Variants in SLCO1A2 observed in about 807,000 individuals in gnomAD.
The protein encoded by SLCO1A2 is solute carrier organic anion transporter family member 1A2.
SLCO1A2 carries 67 observed loss-of-function variants against 69.0 expected under a neutral mutation model. That is an observed-to-expected ratio of 0.97 (90% CI 0.80 to 1.19). The LOEUF is 1.19. Among genes scored for constraint, SLCO1A2 ranks in the 50% most tolerant of loss-of-function variants. The probability of loss-of-function intolerance (pLI) is 0.00; values close to 1 mark genes in which losing one functional copy is unlikely to be tolerated. For synonymous variants in SLCO1A2, 260 were observed against 265.9 expected (o/e 0.98, Z 0.22); for missense variants, 787 against 793.7 (o/e 0.99, Z 0.10).
chr12:21,417,067 C>A (rs1308692156), intron 1 of SLCO1A2, among the ~76,000 whole-genome samples: 1 of 152,086 alleles, frequency 6.6e-6, no homozygotes, highest in African/African-American at 2.4e-5. Flanking sequence ...GTAAGTAGCA[C>A]ACAGTGGTAC....
chr12:21,386,501 G>A (rs765313623), intron 1 of SLCO1A2, among the ~76,000 whole-genome samples: 2 of 152,008 alleles, frequency 1.3e-5, no homozygotes, highest in Non-Finnish European at 2.9e-5. Flanking sequence ...TAGTGAATAA[G>A]TCTCACGAGA....
chr12:21,266,229 A>T lies in SLCO1A2; in HGVS notation c.*3319T>A, dbSNP rs1020431084. 1 of 152,140 alleles carries T rather than the reference A, an allele frequency of 6.6e-6. No homozygotes were observed. Among genetic ancestry groups the T allele is most frequent in the South Asian group, 2.1e-4 (1 of 4,832 alleles). The allele number at this position is 152,140 out of a possible 1,614,324, so 9.4% of individuals were successfully genotyped here. ...AAACATTTCGAGCTTTTCTTTAATTACTTAGTCTTTGTCTTGTCTTTCTTA... is the reference window on the plus strand; with the variant it reads ...AAACATTTCGAGCTTTTCTTTAATTTCTTAGTCTTTGTCTTGTCTTTCTTA... On this transcript the variant is annotated 3_prime_UTR_variant, in exon 15 of 15. Transcript: ENST00000683939.
chr12:21,297,658 T>A, intron 8 of SLCO1A2, 90 bp from the exon 9 acceptor site: 1 of 810,964 alleles, frequency 1.2e-6, no homozygotes, highest in Non-Finnish European at 1.9e-6. Context: ...CCTCAACAAA[T>A]TATGTTTTTT....
At chr12:21,317,821 T>C (rs4148989) in intron 3 of SLCO1A2, among the ~76,000 whole-genome samples, 57,275 of 152,030 alleles carry the variant, frequency 0.38, 11,594 homozygotes, top group African/African-American at 0.53. Context: ...GAGTGACACT[T>C]ATATTTCTAT....
In SLCO1A2 at chr12:21,343,659, C is replaced by T. The variant is rs971645066; in HGVS notation, c.-62-8950G>A. On this transcript the variant is annotated intron_variant, in intron 2 of 15. Coordinates refer to the SLCO1A2 transcript ENST00000307378. ...ATCCCTTGAGTACCTCATTTTGCTACTTTTCAGCATGACATCAGCTAACCA... is the reference window on the plus strand; with the variant it reads ...ATCCCTTGAGTACCTCATTTTGCTATTTTTCAGCATGACATCAGCTAACCA... Among the ~76,000 whole-genome samples the T allele has an allele frequency of 5.9e-5, 9 of 152,060 alleles. No homozygotes were observed. In the East Asian group the frequency reaches 7.7e-4, roughly 13 times the overall value.
intron 1 of SLCO1A2, among the ~76,000 whole-genome samples, chr12:21,416,315 G>A (rs1032098169): frequency 6.6e-6 from 1 of 150,986 alleles, no homozygotes; most frequent in Non-Finnish European, 1.5e-5. Flanking sequence ...ATTAAATCAG[G>A]AAAGGGAAAT....
intron 2 of SLCO1A2, among the ~76,000 whole-genome samples, chr12:21,372,003 C>CA (rs1362444409): frequency 2.7e-4 from 33 of 122,530 alleles, no homozygotes; most frequent in Middle Eastern, 4.0e-3. Context: ...AACTTCATCT[C>CA]AAAAAAAAAG....
intron 1 of SLCO1A2, among the ~76,000 whole-genome samples, chr12:21,391,474 C>T (rs990718295): frequency 6.6e-6 from 1 of 152,060 alleles, no homozygotes; most frequent in African/African-American, 2.4e-5. Context: ...AAATTATAAT[C>T]CTGGTGTCTT....
upstream of SLCO1A2, among the ~76,000 whole-genome samples, chr12:21,399,899 G>T (rs375078921): frequency 6.6e-6 from 1 of 150,722 alleles, no homozygotes; most frequent in East Asian, 1.9e-4. Context: ...AGACTTAAAC[G>T]TTAGACCTAA....
At chr12:21,275,975 C>CTAGA (rs1943755327) in intron 12 of SLCO1A2, among the ~76,000 whole-genome samples, 3 of 151,944 alleles carry the variant, frequency 2.0e-5, no homozygotes, top group African/African-American at 7.2e-5. Flanking sequence ...AACACAGAAA[C>CTAGA]TAGATACACT....
At chr12:21,398,581 T>A (rs1294293289), upstream of SLCO1A2, among the ~76,000 whole-genome samples, 12 of 151,812 alleles carry the variant, frequency 7.9e-5, no homozygotes, top group Middle Eastern at 3.4e-3. Context: ...AAAAAAGAGA[T>A]TCTTAGACCA....
At chr12:21,415,097 G>C (rs12322891) in intron 1 of SLCO1A2, among the ~76,000 whole-genome samples, 1 of 151,880 alleles carries the variant, frequency 6.6e-6, no homozygotes, top group Non-Finnish European at 1.5e-5. Flanking sequence ...TAACTGGTGA[G>C]TTCAGTCTAA....
chr12:21,411,516 T>C (rs151198305), intron 1 of SLCO1A2, among the ~76,000 whole-genome samples: 10 of 152,282 alleles, frequency 6.6e-5, no homozygotes, highest in Non-Finnish European at 1.3e-4. Flanking sequence ...TCATAAGCAT[T>C]AGAATCCAGT....
At position 21,351,352 on chromosome 12, in the gene SLCO1A2, T is replaced by A. The variant is rs570079108; in HGVS notation, c.-62-16643A>T. On this transcript the variant is annotated intron_variant, in intron 2 of 15. Transcript: ENST00000307378. The stretch of plus-strand genomic sequence containing the variant: ...TGTGGTCTATAGTCCACCTGCAACA[T>A]ATTCCTAAACAGACCTGTTAAAGAA... Among the ~76,000 whole-genome samples, 24 of 152,326 alleles carry A rather than the reference T, an allele frequency of 1.6e-4. No individual in the cohort carries two copies. In the South Asian group the frequency reaches 4.6e-3, roughly 29 times the overall value.
At chr12:21,328,280 A>T (rs1446764520) in intron 2 of SLCO1A2, among the ~76,000 whole-genome samples, 1 of 152,214 alleles carries the variant, frequency 6.6e-6, no homozygotes, top group Admixed American at 6.5e-5. Context: ...GGAGGAATCT[A>T]TGGGAAAGAG....
At chr12:21,306,421 G>T (rs1162305031) in intron 5 of SLCO1A2, among the ~76,000 whole-genome samples, 1 of 152,008 alleles carries the variant, frequency 6.6e-6, no homozygotes, top group Non-Finnish European at 1.5e-5. Flanking sequence ...TGCCACCTGG[G>T]TTTAAGCGAT....
At chr12:21,401,679 T>C (rs1941711123) in intron 1 of SLCO1A2, among the ~76,000 whole-genome samples, 4 of 151,784 alleles carry the variant, frequency 2.6e-5, no homozygotes, top group Admixed American at 2.6e-4. Context: ...TAAAATTTTA[T>C]ATGGAAGAAT....
At chr12:21,329,427 A>G (rs1462562715) in intron 2 of SLCO1A2, among the ~76,000 whole-genome samples, 1 of 151,950 alleles carries the variant, frequency 6.6e-6, no homozygotes, top group Admixed American at 6.6e-5. Flanking sequence ...ATCCAGCCTT[A>G]AGGATCAACC....
At position 21,319,635 on chromosome 12, in the gene SLCO1A2, T is replaced by C. The variant is rs142474526; in HGVS notation, c.61-712A>G. The C allele has an allele frequency of 1.0e-3, 409 of 405,284 alleles. 1 individual carries two copies. Among genetic ancestry groups the C allele is most frequent in the African/African-American group, 8.0e-3 (382 of 47,902 alleles). The allele number at this position is 405,284 out of a possible 1,614,324, so 25.1% of individuals were successfully genotyped here. A position where few individuals can be genotyped will look rare whatever the true frequency, so the allele number is the denominator to read the frequency against. On this transcript the variant is annotated intron_variant, in intron 2 of 14. Coordinates refer to ENST00000683939, the MANE Select transcript of SLCO1A2 (RefSeq NM_001386879.1). Reference sequence around the variant, plus strand: ...TGAGACTCCATTTATTTTGGGAAGCTTTCCTGAACCTTGGAGAATCAGCTC... The same window carrying C: ...TGAGACTCCATTTATTTTGGGAAGCCTTCCTGAACCTTGGAGAATCAGCTC...
Sources: allele counts gnomAD v4.1 joint callset (sites outside exome capture counted in the v4.1 genomes callset), GRCh38; gene constraint gnomAD v4.1.1; transcripts MANE v1.5; gene names NCBI Gene and HGNC (gene_info 2026-07-23, HGNC 2026-07-21).